Variants in EXOC3L4 observed in about 807,000 individuals in gnomAD.
EXOC3L4 encodes the protein exocyst complex component 3-like protein 4.
EXOC3L4 carries 62 observed loss-of-function variants against 69.7 expected under a neutral mutation model. That is an observed-to-expected ratio of 0.89 (90% CI 0.72 to 1.10). The LOEUF is 1.10. EXOC3L4 is among the 50% of genes least tolerant of loss of function. EXOC3L4 has a pLI of 0.00. For missense variants in EXOC3L4, 1,087 were observed against 1,034.8 expected, an observed-to-expected ratio of 1.05 and a Z score of -0.69; for synonymous variants, 502 against 464.2, an observed-to-expected ratio of 1.08 and a Z score of -1.05.
Position 103,100,510 on chromosome 14 carries a change from C to G in EXOC3L4, c.291C>G (p.Thr97=), listed in dbSNP as rs147118623. The part of the protein sequence containing the change: ...FRQALNDGPA[T]GHSQATPEVP... ...AAGCCCTGAATGACGGCCCAGCTAC[C>G]GGCCATTCCCAGGCCACTCCTGAGG... Residue 97 remains threonine, a synonymous_variant, in exon 2 of 12, where the codon ACC becomes ACG. Coordinates refer to ENST00000688303, the MANE Select transcript of EXOC3L4 (RefSeq NM_001077594.2). 3 of 1,612,822 alleles carry G rather than the reference C, an allele frequency of 1.9e-6. No individual in the cohort carries two copies. The highest frequency in any genetic ancestry group is 2.2e-5 in the East Asian group (1 of 44,862).
In EXOC3L4 at chr14:103,102,728, G is replaced by A. The variant is rs914491676; in HGVS notation, c.1005G>A (p.Glu335=). 1 of 1,452,082 alleles carries A rather than the reference G, an allele frequency of 6.9e-7. No individual in the cohort carries two copies. Among genetic ancestry groups the A allele is most frequent in the Non-Finnish European group, 9.0e-7 (1 of 1,106,612 alleles). The allele number at this position is 1,452,082 out of a possible 1,614,324, so 89.9% of individuals were successfully genotyped here. A position where few individuals can be genotyped will look rare whatever the true frequency, so the allele number is the denominator to read the frequency against. The stretch of plus-strand genomic sequence containing the variant: ...TCGCGCGCGACGCCCGCGGCTGCGA[G>A]CAGCTCTATATCCTGCTGGACTGGG... ...QELARDARGC[E]QLYILLDWAA... is the part of the protein sequence containing the mutation. Residue 335 remains glutamate, a synonymous_variant, in exon 3 of 12, where the codon GAG becomes GAA. Transcript: ENST00000688303.
upstream of EXOC3L4, chr14:103,094,650 G>T (rs1050426295): frequency 1.3e-5 from 2 of 152,250 alleles, no homozygotes; most frequent in Non-Finnish European, 2.9e-5. Context: ...TGGGGTCCTG[G>T]TGGAGGGTAG....
At position 103,102,690 on chromosome 14, in the gene EXOC3L4, C is replaced by T. The variant is rs752571642; in HGVS notation, c.967C>T (p.Arg323Cys). 39 of 1,478,316 alleles carry T rather than the reference C, an allele frequency of 2.6e-5. No individual in the cohort carries two copies. In the Admixed American group the frequency reaches 9.1e-4, roughly 34 times the overall value. The allele number at this position is 1,478,316 out of a possible 1,614,324, so 91.6% of individuals were successfully genotyped here. A position where few individuals can be genotyped will look rare whatever the true frequency, so the allele number is the denominator to read the frequency against. ...LRAFHSAVAQ[R>C]LQELARDARG... ...TGCCTTCCACAGCGCCGTGGCCCAGCGCCTCCAGGAGCTCGCGCGCGACGC... is the reference window on the plus strand; with the variant it reads ...TGCCTTCCACAGCGCCGTGGCCCAGTGCCTCCAGGAGCTCGCGCGCGACGC... The change falls in exon 3 of 12, where the codon CGC (arginine) becomes TGC (cysteine). Residue 323 changes from arginine to cysteine, a missense_variant. Physicochemically the swap from Arg to Cys is radical, Grantham distance 180. Transcript: ENST00000688303.
At position 103,105,105 on chromosome 14, in the gene EXOC3L4, G is replaced by A. The variant is rs770281293; in HGVS notation, c.1466+33G>A. On this transcript the variant is annotated intron_variant, in intron 7 of 11. Transcript: ENST00000688303. ...TCGCCCGCTCCTGTGCGGGCGCAGC[G>A]TGGCCAGCAGGGGGCGCGCGAGCGC... 1.1e-5 allele frequency: 18 copies of A among 1,572,470 alleles called. No homozygotes were observed. The East Asian group carries it at 4.1e-4, about 36-fold the overall frequency.
chr14:103,103,797 C>CGCGGGTGTGT, intron 3 of EXOC3L4, 144 bp from the exon 4 acceptor site: 1 of 432,426 alleles, frequency 2.3e-6, no homozygotes, highest in Non-Finnish European at 4.0e-6. Flanking sequence ...GGCGCGCGCG[C>CGCGGGTGTGT]GTGTGTGTGT....
At chr14:103,108,206 C>T (rs1379342056) in intron 10 of EXOC3L4, among the ~76,000 whole-genome samples, 190 bp from the exon 11 acceptor site, 1 of 152,162 alleles carries the variant, frequency 6.6e-6, no homozygotes, top group Non-Finnish European at 1.5e-5. Context: ...GTAGCCAGCC[C>T]ATGAGCCCTC....
intron 1 of EXOC3L4, among the ~76,000 whole-genome samples, chr14:103,095,283 T>TG (rs1229761587): frequency 6.6e-6 from 1 of 152,194 alleles, no homozygotes; most frequent in African/African-American, 2.4e-5. Context: ...TAGCCATGGC[T>TG]GGGGGCTGAG....
At chr14:103,106,936 C>T (rs1238261824) in intron 8 of EXOC3L4, 37 bp downstream of exon 8, 3 of 1,465,784 alleles carry the variant, frequency 2.0e-6, no homozygotes, top group East Asian at 4.9e-5. Flanking sequence ...ACTTCCCATG[C>T]CCAGCAGGCA....
intron 1 of EXOC3L4, among the ~76,000 whole-genome samples, chr14:103,098,402 G>A (rs550773480): frequency 3.2e-4 from 48 of 152,116 alleles, no homozygotes; most frequent in East Asian, 2.3e-3. Context: ...GCCTGAGTGC[G>A]CGGCCAGGGG....
At chr14:103,104,076 G>A in intron 4 of EXOC3L4, 24 bp downstream of exon 4, 1 of 1,529,316 alleles carries the variant, frequency 6.5e-7, no homozygotes, top group Non-Finnish European at 8.8e-7. Context: ...GGTCAGGCTG[G>A]GCGGGCCAGG....
In EXOC3L4 at chr14:103,100,486, AG is replaced by A. The variant is rs1566946029; in HGVS notation, c.268del (p.Ala90ProfsTer2). The A allele has an allele frequency of 6.2e-7, 1 of 1,613,372 alleles. No individual in the cohort carries two copies. Among genetic ancestry groups the A allele is most frequent in the Non-Finnish European group, 8.5e-7 (1 of 1,179,954 alleles). On this transcript the variant is annotated frameshift_variant, in exon 2 of 12. Transcript: ENST00000688303. LOFTEE classifies it high-confidence loss of function. ...GCTCCCTGTTCCGGTCCTTCCGGCAAGCCCTGAATGACGGCCCAGCTACCGG... is the reference window on the plus strand; with the variant it reads ...GCTCCCTGTTCCGGTCCTTCCGGCAACCCTGAATGACGGCCCAGCTACCGG... ...SCSLFRSFRQ[A>X]LNDGPATGHS... is the part of the protein sequence containing the mutation.
At position 103,104,338 on chromosome 14, in the gene EXOC3L4, C is replaced by G. The variant is rs768212929; in HGVS notation, c.1233C>G (p.Pro411=). ...GTCACTGGGCGGCCGCCGAGGTCCC[C>G]GAGGTGCTGCAGGGCCTCTACCAGG... The part of the protein sequence containing the change: ...EQSHWAAAEV[P]EVLQGLYQAP... Residue 411 remains proline, a synonymous_variant, in exon 5 of 12, where the codon CCC becomes CCG. Coordinates refer to ENST00000688303, the MANE Select transcript of EXOC3L4 (RefSeq NM_001077594.2). The G allele has an allele frequency of 1.9e-6, 3 of 1,591,560 alleles. No homozygotes were observed. Among genetic ancestry groups the G allele is most frequent in the Non-Finnish European group, 2.6e-6 (3 of 1,170,618 alleles).
chr14:103,109,991 G>A, intron 11 of EXOC3L4, 40 bp from the exon 12 acceptor site: 1 of 1,536,698 alleles, frequency 6.5e-7, no homozygotes. Context: ...GGGTGTTGCG[G>A]AGGTGTAGGT....
intron 11 of EXOC3L4, 110 bp from the exon 12 acceptor site, chr14:103,109,921 G>A: frequency 1.7e-6 from 2 of 1,190,650 alleles, no homozygotes; most frequent in Admixed American, 2.7e-5. Context: ...GACCATCCTG[G>A]AATGCAGAGT....
In EXOC3L4 at chr14:103,102,320, G is replaced by A. The variant is rs1422760055; in HGVS notation, c.597G>A (p.Glu199=). The A allele has an allele frequency of 1.9e-6, 3 of 1,568,014 alleles. No homozygotes were observed. The highest frequency in any genetic ancestry group is 2.6e-6 in the Non-Finnish European group (3 of 1,163,044). ...CCGAGATCGGCGCCATCGTGCGCGA[G>A]ACGCTGGACAGCGACGGTGTGGACG... ...LAAEIGAIVR[E]TLDSDGVDAA... The change falls in exon 3 of 12, where the codon GAG becomes GAA. Residue 199 remains glutamate (E), a synonymous_variant. Transcript: ENST00000688303.
Position 103,104,769 on chromosome 14 carries a change from C to T in EXOC3L4, c.1316C>T (p.Ala439Val). The T allele has an allele frequency of 6.6e-7, 1 of 1,523,280 alleles. No homozygotes were observed. The highest frequency in any genetic ancestry group is 8.8e-7 in the Non-Finnish European group (1 of 1,133,578). The allele number at this position is 1,523,280 out of a possible 1,614,324, so 94.4% of individuals were successfully genotyped here. A position where few individuals can be genotyped will look rare whatever the true frequency, so the allele number is the denominator to read the frequency against. Reference protein sequence around the residue: ...LVAEHVKAAGAISAELEATTL... With the variant: ...LVAEHVKAAGVISAELEATTL... ...GCCGAGCACGTGAAGGCGGCCGGCG[C>T]CATCTCCGCGGAGCTGGAGGCCACC... Residue 439 changes from alanine to valine, a missense_variant, in exon 6 of 12, where the codon GCC becomes GTC. Coordinates refer to ENST00000688303, the MANE Select transcript of EXOC3L4 (RefSeq NM_001077594.2).
At position 103,106,816 on chromosome 14, in the gene EXOC3L4, C is replaced by G. The variant is rs1890576889; in HGVS notation, c.1498C>G (p.Gln500Glu). 1 of 1,593,960 alleles carries G rather than the reference C, an allele frequency of 6.3e-7. No individual in the cohort carries two copies. The highest frequency in any genetic ancestry group is 8.5e-7 in the Non-Finnish European group (1 of 1,169,670). ...TSLLSRFPGTQEELEKPLVTA... is the reference protein window; with the variant it reads ...TSLLSRFPGTEEELEKPLVTA... ...TCTTCTCTCCAGGTTCCCAGGAACC[C>G]AAGAGGAGCTGGAGAAGCCCCTGGT... is the stretch of plus-strand genomic sequence containing the variant. The change falls in exon 8 of 12, where the codon CAA becomes GAA. Residue 500 changes from glutamine (Q) to glutamate (E), a missense_variant. Coordinates refer to ENST00000688303, the MANE Select transcript of EXOC3L4 (RefSeq NM_001077594.2).
chr14:103,101,110 A>G (rs1890165414), intron 2 of EXOC3L4, among the ~76,000 whole-genome samples: 4 of 151,562 alleles, frequency 2.6e-5, no homozygotes. Flanking sequence ...GTTTCACCAT[A>G]TTGGCCAGCC....
chr14:103,098,500 C>G (rs1221662058), intron 1 of EXOC3L4: 1 of 152,258 alleles, frequency 6.6e-6, no homozygotes, highest in Non-Finnish European at 1.5e-5. Flanking sequence ...AGTAGCTGAT[C>G]TGTGTCAGGC....
Sources: gnomAD v4.1 joint callset for allele counts (sites outside exome capture counted in the v4.1 genomes callset) on GRCh38, gnomAD v4.1.1 for gene constraint, MANE v1.5 for transcripts, NCBI Gene and HGNC (gene_info 2026-07-23, HGNC 2026-07-21) for gene names.